Variants in LRFN5 observed in about 807,000 individuals in gnomAD.
The protein encoded by LRFN5 is leucine rich repeat and fibronectin type III domain containing 5.
A neutral mutation model predicts 45.6 loss-of-function variants in LRFN5; 24 were observed. The ratio of observed to expected loss-of-function variants is 0.53; its 90% CI spans 0.38 to 0.74. The LOEUF (loss-of-function observed/expected upper bound fraction) is 0.74, where lower values mean the gene tolerates loss of function less well. LRFN5 is among the 30% of genes least tolerant of loss of function. The pLI is 0.00. For missense variants in LRFN5, 776 were observed against 861.5 expected (o/e 0.90, Z 1.24); for synonymous variants, 340 against 313.8 (o/e 1.08, Z -0.88).
At chr14:41,680,184 G>A (rs567619841) in intron 1 of LRFN5, among the ~76,000 whole-genome samples, 1 of 152,290 alleles carries the variant, frequency 6.6e-6, no homozygotes, top group East Asian at 1.9e-4. Flanking sequence ...GGGACCAAAG[G>A]GAACTTGCCA....
At chr14:41,674,013 C>A (rs1463717672) in intron 1 of LRFN5, among the ~76,000 whole-genome samples, 1 of 138,426 alleles carries the variant, frequency 7.2e-6, no homozygotes, top group Non-Finnish European at 1.6e-5. Flanking sequence ...TTCCCAGACG[C>A]GGTGGCTGCC....
intron 2 of LRFN5, among the ~76,000 whole-genome samples, chr14:41,775,892 A>T (rs1886272557): frequency 1.3e-5 from 2 of 152,224 alleles, no homozygotes; most frequent in Non-Finnish European, 2.9e-5. Context: ...ACAGCAGGTG[A>T]TCAAAATTTT....
intron 2 of LRFN5, among the ~76,000 whole-genome samples, chr14:41,844,212 C>T (rs570659513): frequency 4.5e-4 from 68 of 152,126 alleles, no homozygotes; most frequent in African/African-American, 1.4e-3. Context: ...CCAAGGTGGG[C>T]GGATCACGAG....
At chr14:41,717,201 G>A (rs963942609) in intron 1 of LRFN5, among the ~76,000 whole-genome samples, 1 of 152,148 alleles carries the variant, frequency 6.6e-6, no homozygotes, top group African/African-American at 2.4e-5. Flanking sequence ...TATGGACGTC[G>A]TGGTTGCCCT....
At chr14:41,666,484 C>T (rs1346113518) in intron 1 of LRFN5, among the ~76,000 whole-genome samples, 1 of 152,048 alleles carries the variant, frequency 6.6e-6, no homozygotes, top group Non-Finnish European at 1.5e-5. Flanking sequence ...ATCATGACTA[C>T]TCCTGCTAAA....
chr14:41,694,825 A>T (rs1304621130), intron 1 of LRFN5, among the ~76,000 whole-genome samples: 1 of 151,956 alleles, frequency 6.6e-6, no homozygotes, highest in Non-Finnish European at 1.5e-5. Context: ...GGACCAAAAA[A>T]CATTCCCATA....
At chr14:41,725,287 G>C (rs1883884077) in intron 1 of LRFN5, among the ~76,000 whole-genome samples, 1 of 152,198 alleles carries the variant, frequency 6.6e-6, no homozygotes, top group South Asian at 2.1e-4. Flanking sequence ...GGGGCTAGCT[G>C]ACTTTGGAAT....
chr14:41,631,272 A>G (rs1888523162), intron 1 of LRFN5, among the ~76,000 whole-genome samples: 1 of 151,962 alleles, frequency 6.6e-6, no homozygotes, highest in Admixed American at 6.6e-5. Flanking sequence ...CACTCTGTGT[A>G]TTTTTCTGGG....
At chr14:41,687,200 AG>A (rs1186688519) in intron 1 of LRFN5, among the ~76,000 whole-genome samples, 2 of 152,252 alleles carry the variant, frequency 1.3e-5, no homozygotes, top group African/African-American at 4.8e-5. Context: ...ACTTCTCAAA[AG>A]AAGACATTTA....
intron 1 of LRFN5, among the ~76,000 whole-genome samples, chr14:41,620,461 C>T (rs1409439687): frequency 6.6e-6 from 1 of 151,946 alleles, no homozygotes; most frequent in East Asian, 1.9e-4. Context: ...TTTTGTGGTA[C>T]ATGTGTCACT....
At chr14:41,638,783 A>T (rs536215765) in intron 1 of LRFN5, among the ~76,000 whole-genome samples, 4 of 152,226 alleles carry the variant, frequency 2.6e-5, no homozygotes, top group Non-Finnish European at 5.9e-5. Context: ...AAACAGATTA[A>T]TTTTTATAAA....
At chr14:41,777,808 C>G (rs560631243) in intron 2 of LRFN5, among the ~76,000 whole-genome samples, 73 of 151,754 alleles carry the variant, frequency 4.8e-4, no homozygotes, top group Admixed American at 2.7e-3. Context: ...ACAATTGTCC[C>G]TTTTATTATC....
intron 2 of LRFN5, among the ~76,000 whole-genome samples, chr14:41,781,823 T>C (rs559696897): frequency 6.6e-6 from 1 of 152,192 alleles, no homozygotes; most frequent in East Asian, 1.9e-4. Flanking sequence ...GTATCACAGG[T>C]TGTTGGTCTT....
intron 2 of LRFN5, among the ~76,000 whole-genome samples, chr14:41,815,089 C>T (rs932192189): frequency 9.2e-5 from 14 of 152,100 alleles, no homozygotes; most frequent in African/African-American, 3.4e-4. Context: ...CAACTAGGTC[C>T]TTACTGATTT....
intron 1 of LRFN5, among the ~76,000 whole-genome samples, chr14:41,681,091 T>C (rs1163010921): frequency 2.0e-5 from 3 of 151,456 alleles, no homozygotes; most frequent in Admixed American, 6.6e-5. Flanking sequence ...GAAAGAAAAA[T>C]AATTAAAAAA....
At chr14:41,877,355 A>T (rs1284335597) in intron 2 of LRFN5, among the ~76,000 whole-genome samples, 2 of 152,148 alleles carry the variant, frequency 1.3e-5, no homozygotes, top group East Asian at 3.9e-4. Flanking sequence ...TGCAGGCTTC[A>T]CCTCAGTTTT....
At chr14:41,823,605 G>A (rs1888199556) in intron 2 of LRFN5, among the ~76,000 whole-genome samples, 1 of 152,090 alleles carries the variant, frequency 6.6e-6, no homozygotes, top group South Asian at 2.1e-4. Flanking sequence ...TAGAAAGCCT[G>A]ATGACTATGT....
At chr14:41,837,909 T>C (rs1251971995) in intron 2 of LRFN5, among the ~76,000 whole-genome samples, 1 of 152,210 alleles carries the variant, frequency 6.6e-6, no homozygotes, top group Admixed American at 6.5e-5. Flanking sequence ...AATATACTCA[T>C]TGTAAATGTA....
chr14:41,759,087 G>T (rs746427042), intron 1 of LRFN5, among the ~76,000 whole-genome samples: 1 of 152,056 alleles, frequency 6.6e-6, no homozygotes, highest in Non-Finnish European at 1.5e-5. Flanking sequence ...ATCACATGAT[G>T]TACCATTAGG....
Sources: gnomAD v4.1 joint callset for allele counts (sites outside exome capture counted in the v4.1 genomes callset) on GRCh38, gnomAD v4.1.1 for gene constraint, MANE v1.5 for transcripts, NCBI Gene and HGNC (gene_info 2026-07-23, HGNC 2026-07-21) for gene names.